The following TFB2M variants were observed in gnomAD, a reference collection of about 807,000 sequenced individuals.
TFB2M encodes the protein transcription factor B2, mitochondrial.
In TFB2M, 44 loss-of-function variants were observed where a neutral mutation model predicts 41.3. The ratio of observed to expected loss-of-function variants is 1.07; its 90% CI spans 0.84 to 1.37. TFB2M has a LOEUF of 1.37. Among genes scored for constraint, TFB2M ranks in the 40% most tolerant of loss-of-function variants. The probability of loss-of-function intolerance (pLI) is 0.00; values close to 1 mark genes in which losing one functional copy is unlikely to be tolerated. For missense variants in TFB2M, 496 were observed against 490.2 expected, an observed-to-expected ratio of 1.01 and a Z score of -0.11; for synonymous variants, 188 against 176.8, an observed-to-expected ratio of 1.06 and a Z score of -0.50.
At chr1:246,546,983 A>ACCCACACACACACACAC (rs764498048) in intron 6 of TFB2M, among the ~76,000 whole-genome samples, 1 of 127,180 alleles carries the variant, frequency 7.9e-6, no homozygotes, top group Admixed American at 8.1e-5. Flanking sequence ...ACACACACAC[A>ACCCACACACACACACAC]TTTTTTTTTT....
At chr1:246,550,361 T>C (rs1333682473) in intron 5 of TFB2M, among the ~76,000 whole-genome samples, 1 of 151,496 alleles carries the variant, frequency 6.6e-6, no homozygotes, top group East Asian at 1.9e-4. Context: ...TGGAGAAAAA[T>C]GATGAGAGCA....
intron 5 of TFB2M, among the ~76,000 whole-genome samples, chr1:246,550,679 C>T (rs373091792): frequency 6.6e-6 from 1 of 152,210 alleles, no homozygotes; most frequent in East Asian, 1.9e-4. Flanking sequence ...AGGTCAGGAG[C>T]TCAAGGCCAG....
chr1:246,559,691 T>C (rs1659409379), intron 2 of TFB2M, among the ~76,000 whole-genome samples: 1 of 152,210 alleles, frequency 6.6e-6, no homozygotes, highest in Non-Finnish European at 1.5e-5. Flanking sequence ...TACTATGTGA[T>C]CTAGGTAGAG....
chr1:246,546,983 AT>A (rs74163461), intron 6 of TFB2M, among the ~76,000 whole-genome samples: 9,725 of 126,960 alleles, frequency 0.077, 778 homozygotes, highest in African/African-American at 0.27. Flanking sequence ...ACACACACAC[AT>A]TTTTTTTTTT....
At position 246,545,816 on chromosome 1, in the gene TFB2M, A is replaced by T. The variant is rs1475989500; in HGVS notation, c.859-1135T>A. ...GACAGAGCAAGACCCTGATTCGAAA[A>T]AAAAAAAAAAAAAAAAAAGACCTAG... On this transcript the variant is annotated intron_variant, in intron 6 of 7. Coordinates refer to ENST00000366514, the MANE Select transcript of TFB2M (RefSeq NM_022366.3). Among the ~76,000 whole-genome samples the T allele has an allele frequency of 5.4e-3, 799 of 149,214 alleles. 3 individuals carry two copies. The highest frequency in any genetic ancestry group is 0.018 in the African/African-American group (749 of 40,522).
At chr1:246,552,035 A>T (rs553048575) in intron 4 of TFB2M, among the ~76,000 whole-genome samples, 10 of 152,330 alleles carry the variant, frequency 6.6e-5, no homozygotes, top group Non-Finnish European at 1.3e-4. Flanking sequence ...ACAAATAAGC[A>T]TTATAAAAAT....
intron 6 of TFB2M, among the ~76,000 whole-genome samples, chr1:246,546,731 A>C (rs1659030042): frequency 6.6e-6 from 1 of 152,036 alleles, no homozygotes; most frequent in South Asian, 2.1e-4. Flanking sequence ...GATCCAAAGG[A>C]CAAAAAAAGT....
At chr1:246,548,170 C>T (rs995888453) in intron 6 of TFB2M, among the ~76,000 whole-genome samples, 2 of 152,134 alleles carry the variant, frequency 1.3e-5, no homozygotes, top group Non-Finnish European at 2.9e-5. Context: ...TGGTCCCGAT[C>T]TCTTGACCTT....
At position 246,540,983 on chromosome 1, in the gene TFB2M, T is replaced by C. The variant is rs1658837250; in HGVS notation, c.*48A>G. On this transcript the variant is annotated 3_prime_UTR_variant, in exon 8 of 8. Transcript: ENST00000366514. ...GTTTTCAAATTTGGTTTTCATGTCA[T>C]AGTTTCCAAATAAATGAACCGCTCC... 6.4e-7 allele frequency: 1 copy of C among 1,559,206 alleles called. No homozygotes were observed. Among genetic ancestry groups the C allele is most frequent in the African/African-American group, 1.4e-5 (1 of 72,660 alleles).
At chr1:246,555,368 G>A (rs1399860718) in intron 4 of TFB2M, among the ~76,000 whole-genome samples, 1 of 152,166 alleles carries the variant, frequency 6.6e-6, no homozygotes, top group Non-Finnish European at 1.5e-5. Context: ...CAGGAGGACT[G>A]CTTGAGTCCC....
At position 246,556,652 on chromosome 1, in the gene TFB2M, T is replaced by C; in HGVS notation, c.626A>G (p.Tyr209Cys). The C allele has an allele frequency of 1.3e-6, 2 of 1,581,276 alleles. No homozygotes were observed. Among genetic ancestry groups the C allele is most frequent in the Non-Finnish European group, 1.7e-6 (2 of 1,168,906 alleles). The change falls in exon 4 of 8, where the codon TAT becomes TGT. Residue 209 changes from tyrosine to cysteine, a missense_variant. By Grantham distance (194) the Tyr-to-Cys change is radical. Coordinates refer to ENST00000366514, the MANE Select transcript of TFB2M (RefSeq NM_022366.3). Reference sequence around the variant, plus strand: ...TATAGAAGTACAGGAATACAAGTCATATGCGAGTTTCCAAAGTGCCCTTTT... The same window carrying C: ...TATAGAAGTACAGGAATACAAGTCACATGCGAGTTTCCAAAGTGCCCTTTT... ...GEKRALWKLA[Y>C]DLYSCTSIYK... is the part of the protein sequence containing the mutation.
At chr1:246,551,146 G>A (rs1391138088) in intron 5 of TFB2M, 67 bp downstream of exon 5, 4 of 1,271,854 alleles carry the variant, frequency 3.1e-6, no homozygotes, top group Non-Finnish European at 4.6e-6. Flanking sequence ...CTGCACTCCA[G>A]CCTGGGCAAC....
chr1:246,549,451 G>A (rs1659111706), intron 5 of TFB2M, among the ~76,000 whole-genome samples: 2 of 151,568 alleles, frequency 1.3e-5, no homozygotes, highest in East Asian at 2.0e-4. Flanking sequence ...GTGTGGTGGT[G>A]TATGCCTGCA....
At chr1:246,557,574 A>G in intron 2 of TFB2M, 40 bp from the exon 3 acceptor site, 1 of 1,511,622 alleles carries the variant, frequency 6.6e-7, no homozygotes. Context: ...AATTTTCAGC[A>G]TTAAGTATAC....
intron 2 of TFB2M, among the ~76,000 whole-genome samples, chr1:246,561,704 A>C (rs2102990699): frequency 6.6e-6 from 1 of 152,260 alleles, no homozygotes; most frequent in Admixed American, 6.5e-5. Flanking sequence ...CCTGACCTCA[A>C]GTGACCTGCC....
In TFB2M at chr1:246,544,506, ATTCT is replaced by A. The variant is rs764079568; in HGVS notation, c.1019+11_1019+14del. 1.8e-4 allele frequency: 287 copies of A among 1,578,612 alleles called. No individual in the cohort carries two copies. Among genetic ancestry groups the A allele is most frequent in the Non-Finnish European group, 2.3e-4 (269 of 1,170,306 alleles). On this transcript the variant is annotated intron_variant, in intron 7 of 7. Transcript: ENST00000366514. ...TCGTTGCTACTTTATACTTGCTTTT[ATTCT>A]TTTTACTCACCGTAAGTGGTCTATT... is the stretch of plus-strand genomic sequence containing the variant.
At chr1:246,551,634 A>AC (rs11411429) in intron 4 of TFB2M, among the ~76,000 whole-genome samples, 84,176 of 151,864 alleles carry the variant, frequency 0.55, 23,830 homozygotes, top group East Asian at 0.78. Flanking sequence ...AGGTGGGAGG[A>AC]TGCTTGAGCC....
At chr1:246,546,389 G>A (rs528037697) in intron 6 of TFB2M, among the ~76,000 whole-genome samples, 11 of 151,734 alleles carry the variant, frequency 7.2e-5, no homozygotes, top group South Asian at 6.2e-4. Flanking sequence ...CAAGGTAGGC[G>A]GATCACCTGA....
intron 4 of TFB2M, among the ~76,000 whole-genome samples, chr1:246,555,893 T>A (rs929763698): frequency 8.6e-5 from 13 of 152,036 alleles, no homozygotes; most frequent in Admixed American, 5.9e-4. Context: ...CAGGTTCAAG[T>A]GATTCTCCTG....
Sources: allele counts gnomAD v4.1 joint callset (sites outside exome capture counted in the v4.1 genomes callset), GRCh38; gene constraint gnomAD v4.1.1; transcripts MANE v1.5; gene names NCBI Gene and HGNC (gene_info 2026-07-23, HGNC 2026-07-21).